The following PARD3B variants were observed in gnomAD, a reference collection of about 807,000 sequenced individuals.
PARD3B encodes partitioning defective 3 homolog B.
A neutral mutation model predicts 130.2 loss-of-function variants in PARD3B; 103 were observed. That is an observed-to-expected ratio of 0.79 (90% CI 0.67 to 0.93). The LOEUF (loss-of-function observed/expected upper bound fraction) is 0.93, where lower values mean the gene tolerates loss of function less well. PARD3B is among the 40% of genes least tolerant of loss of function. PARD3B has a pLI of 0.00. For missense variants in PARD3B, 1,609 were observed against 1,499.2 expected, an observed-to-expected ratio of 1.07 and a Z score of -1.21; for synonymous variants, 583 against 553.2, an observed-to-expected ratio of 1.05 and a Z score of -0.76.
intron 20 of PARD3B, among the ~76,000 whole-genome samples, chr2:205,468,854 G>C (rs1392646135): frequency 1.3e-5 from 2 of 152,102 alleles, no homozygotes; most frequent in Non-Finnish European, 2.9e-5. Flanking sequence ...TGTCTATATG[G>C]CTCTCTTCTT....
chr2:205,542,354 T>TTGTGTGTGTGTGTGTGTGTGTGTGTGTG (rs143438143), intron 21 of PARD3B, among the ~76,000 whole-genome samples: 5 of 145,102 alleles, frequency 3.4e-5, no homozygotes, highest in African/African-American at 1.3e-4. Context: ...TAGTTTGTGT[T>TTGTGTGTGTGTGTGTGTGTGTGTGTGTG]TGTGTGTGTG....
At chr2:205,092,495 A>G (rs1162681681) in intron 4 of PARD3B, among the ~76,000 whole-genome samples, 1 of 152,152 alleles carries the variant, frequency 6.6e-6, no homozygotes, top group Non-Finnish European at 1.5e-5. Context: ...GGAACAGAGG[A>G]GGAGAAGGGT....
chr2:204,893,758 A>G (rs13033719), intron 2 of PARD3B, among the ~76,000 whole-genome samples: 30,340 of 152,122 alleles, frequency 0.2, 3,650 homozygotes, highest in Non-Finnish European at 0.27. Context: ...TAGCCACATC[A>G]CAAGTGTTCA....
intron 18 of PARD3B, among the ~76,000 whole-genome samples, chr2:205,335,572 A>T (rs1018652741): frequency 1.3e-5 from 2 of 152,164 alleles, no homozygotes; most frequent in African/African-American, 4.8e-5. Context: ...ATCATCTTGC[A>T]GAGCCACATA....
At chr2:204,930,118 C>A (rs1687916553) in intron 2 of PARD3B, among the ~76,000 whole-genome samples, 1 of 151,826 alleles carries the variant, frequency 6.6e-6, no homozygotes, top group Non-Finnish European at 1.5e-5. Context: ...CAATTCCTCT[C>A]TCTATGTAGT....
chr2:204,546,753 G>T (rs1228369115), intron 1 of PARD3B, among the ~76,000 whole-genome samples: 2 of 151,264 alleles, frequency 1.3e-5, no homozygotes, highest in African/African-American at 4.8e-5. Flanking sequence ...CATTTACTAT[G>T]TGTGTGGGCT....
chr2:204,674,059 T>C (rs1005806254), intron 1 of PARD3B, among the ~76,000 whole-genome samples: 1 of 152,200 alleles, frequency 6.6e-6, no homozygotes, highest in East Asian at 1.9e-4. Flanking sequence ...TTTCTGTTTC[T>C]CATTGTCTTC....
intron 2 of PARD3B, among the ~76,000 whole-genome samples, chr2:204,718,233 C>G (rs568615817): frequency 6.6e-6 from 1 of 152,070 alleles, no homozygotes; most frequent in African/African-American, 2.4e-5. Context: ...TTTTGTGTCT[C>G]TTCCCTCCTC....
chr2:205,217,806 GTGTATATA>G (rs1159812421), intron 15 of PARD3B, among the ~76,000 whole-genome samples: 2 of 66,442 alleles, frequency 3.0e-5, no homozygotes, highest in Non-Finnish European at 5.6e-5. Flanking sequence ...GTATATATGT[GTGTATATA>G]TGTATATGTG....
intron 3 of PARD3B, among the ~76,000 whole-genome samples, chr2:205,017,777 C>A (rs1242429661): frequency 6.6e-6 from 1 of 152,178 alleles, no homozygotes; most frequent in Non-Finnish European, 1.5e-5. Context: ...TATGTAGGTG[C>A]TCTCCAAATC....
intron 16 of PARD3B, among the ~76,000 whole-genome samples, chr2:205,262,879 A>C (rs2040368047): frequency 1.3e-5 from 2 of 152,114 alleles, no homozygotes; most frequent in South Asian, 4.1e-4. Flanking sequence ...ATTTTTCTTA[A>C]AAATTATATT....
chr2:205,438,894 G>A (rs1047957804), intron 19 of PARD3B, among the ~76,000 whole-genome samples: 3 of 152,162 alleles, frequency 2.0e-5, no homozygotes, highest in African/African-American at 7.2e-5. Flanking sequence ...GTAACTTGAG[G>A]ATAGGTGCTG....
intron 1 of PARD3B, among the ~76,000 whole-genome samples, chr2:204,596,089 A>T (rs1574518712): frequency 1.3e-5 from 2 of 152,318 alleles, no homozygotes; most frequent in East Asian, 3.9e-4. Flanking sequence ...TTTTTGATAG[A>T]GAATAAGTTT....
chr2:205,372,055 C>A (rs1377552669), intron 18 of PARD3B, among the ~76,000 whole-genome samples: 1 of 152,132 alleles, frequency 6.6e-6, no homozygotes, highest in East Asian at 1.9e-4. Context: ...TTTATCCATT[C>A]ATCAGTTGAT....
chr2:204,760,889 A>G (rs1249243349), intron 2 of PARD3B, among the ~76,000 whole-genome samples: 1 of 152,194 alleles, frequency 6.6e-6, no homozygotes, highest in Non-Finnish European at 1.5e-5. Context: ...TTCTATTTAG[A>G]AGTTACTTCT....
chr2:205,392,417 G>C (rs866073625), intron 18 of PARD3B, among the ~76,000 whole-genome samples: 48 of 152,242 alleles, frequency 3.2e-4, no homozygotes, highest in African/African-American at 1.1e-3. Flanking sequence ...AAAAAGGTTG[G>C]CCTTAAAGAG....
chr2:205,238,886 GTATATATATATA>G lies in PARD3B; in HGVS notation c.2141-6880_2141-6869del, dbSNP rs372313084. Among the ~76,000 whole-genome samples the G allele has an allele frequency of 7.3e-3, 676 of 92,122 alleles. 9 individuals carry two copies. The highest frequency in any genetic ancestry group is 0.029 in the African/African-American group (638 of 22,154). The allele number at this position is 92,122 out of a possible 152,430, so 60.4% of individuals were successfully genotyped here. On this transcript the variant is annotated intron_variant, in intron 15 of 22. Transcript: ENST00000406610. ...TATATATATATATATATGTATGTGT[GTATATATATATA>G]TATATATATATGTATGTGTATATAT...
intron 3 of PARD3B, among the ~76,000 whole-genome samples, chr2:204,984,345 T>A (rs1384261275): frequency 6.6e-6 from 1 of 152,144 alleles, no homozygotes; most frequent in Non-Finnish European, 1.5e-5. Flanking sequence ...GATGTGGAAA[T>A]GCTACCACTT....
intron 3 of PARD3B, among the ~76,000 whole-genome samples, chr2:204,966,029 G>T (rs1483632020): frequency 1.3e-5 from 2 of 152,064 alleles, no homozygotes; most frequent in Admixed American, 1.3e-4. Flanking sequence ...TGGAATGTTT[G>T]TGCAACATTT....
Sources: gnomAD v4.1 joint callset for allele counts (sites outside exome capture counted in the v4.1 genomes callset) on GRCh38, gnomAD v4.1.1 for gene constraint, MANE v1.5 for transcripts, NCBI Gene and HGNC (gene_info 2026-07-23, HGNC 2026-07-21) for gene names.